The following NPAS3 variants were observed in gnomAD, a reference collection of about 807,000 sequenced individuals.
The protein encoded by NPAS3 is neuronal PAS domain-containing protein 3.
A neutral mutation model predicts 73.1 loss-of-function variants in NPAS3; 14 were observed. That is an observed-to-expected ratio of 0.19 (90% CI 0.13 to 0.30). The LOEUF is 0.30. Among genes scored for constraint, NPAS3 ranks in the 10% least tolerant of loss-of-function variants. The pLI is 1.00. For synonymous variants in NPAS3, 620 were observed against 541.5 expected (o/e 1.14, Z -2.01); for missense variants, 1,096 against 1,250.0 (o/e 0.88, Z 1.86).
intron 3 of NPAS3, among the ~76,000 whole-genome samples, chr14:33,350,571 C>G (rs1329544989): frequency 2.0e-5 from 3 of 152,212 alleles, no homozygotes; most frequent in African/African-American, 7.2e-5. Flanking sequence ...GATCACGCCT[C>G]TAAGAACAAA....
At chr14:33,021,735 T>G (rs1366353824) in intron 1 of NPAS3, among the ~76,000 whole-genome samples, 1 of 152,228 alleles carries the variant, frequency 6.6e-6, no homozygotes. Flanking sequence ...TTTATATATT[T>G]AATTTAACAT....
At chr14:33,299,828 C>A (rs1410793901) in intron 3 of NPAS3, among the ~76,000 whole-genome samples, 1 of 151,964 alleles carries the variant, frequency 6.6e-6, no homozygotes, top group African/African-American at 2.4e-5. Flanking sequence ...TGACCTTATT[C>A]AATGAATTAT....
In NPAS3 at chr14:33,490,716, C is replaced by T. The variant is rs942029466; in HGVS notation, c.469-69405C>T. Among the ~76,000 whole-genome samples the T allele has an allele frequency of 2.6e-5, 4 of 152,244 alleles. No homozygotes were observed. The South Asian group carries it at 6.2e-4, about 24-fold the overall frequency. On this transcript the variant is annotated intron_variant, in intron 4 of 11. Coordinates refer to ENST00000356141, the Ensembl canonical transcript of NPAS3. The stretch of plus-strand genomic sequence containing the variant: ...GCACACACAACATACACAGTCATTC[C>T]GTCACCCTGCACTGTGCTGGAACAA...
At chr14:32,960,112 T>C (rs1267869522) in intron 1 of NPAS3, among the ~76,000 whole-genome samples, 3 of 152,010 alleles carry the variant, frequency 2.0e-5, no homozygotes, top group Non-Finnish European at 4.4e-5. Context: ...TATATGATAG[T>C]AATAAAACAT....
At chr14:33,620,533 TATAG>T (rs2058048626) in intron 5 of NPAS3, among the ~76,000 whole-genome samples, 4 of 152,126 alleles carry the variant, frequency 2.6e-5, no homozygotes, top group Admixed American at 2.0e-4. Flanking sequence ...AATATGCAAA[TATAG>T]AGAGAGACTG....
At chr14:33,612,492 T>G (rs1003330343) in intron 5 of NPAS3, 1 of 455,994 alleles carries the variant, frequency 2.2e-6, no homozygotes, top group African/African-American at 2.0e-5. Flanking sequence ...TGTCACTTTT[T>G]AAAATTAATC....
intron 2 of NPAS3, among the ~76,000 whole-genome samples, chr14:33,091,236 C>T (rs578007316): frequency 1.3e-5 from 2 of 152,222 alleles, no homozygotes; most frequent in East Asian, 1.9e-4. Context: ...AATTGATAGA[C>T]TGCCAGCAAG....
chr14:32,979,716 C>T (rs2037823673), intron 1 of NPAS3, among the ~76,000 whole-genome samples: 1 of 152,042 alleles, frequency 6.6e-6, no homozygotes, highest in African/African-American at 2.4e-5. Context: ...AAAGAAAGAA[C>T]ATTTTCCCAA....
At chr14:33,466,783 A>G (rs897502202) in intron 4 of NPAS3, among the ~76,000 whole-genome samples, 1 of 152,080 alleles carries the variant, frequency 6.6e-6, no homozygotes. Context: ...ATCTTCCAAG[A>G]ACTCACTCAC....
chr14:33,113,458 C>G (rs935079952), intron 2 of NPAS3, among the ~76,000 whole-genome samples: 4 of 152,068 alleles, frequency 2.6e-5, no homozygotes, highest in East Asian at 3.9e-4. Flanking sequence ...TCATGATTTG[C>G]CTCTCTGTTT....
rs544440609 is a variant in NPAS3, at chr14:33,405,789, A to G, written c.468+38521A>G. 4.6e-5 allele frequency among the ~76,000 whole-genome samples: 7 copies of G among 152,204 alleles called. No homozygotes were observed. In the South Asian group the frequency reaches 1.5e-3, roughly 32 times the overall value. On this transcript the variant is annotated intron_variant, in intron 4 of 11. Transcript: ENST00000356141. ...AGCTATTTGCCCACACCATCCCAGC[A>G]CTCAGTTTAGCAACCTTCTGTTGGA... is the stretch of plus-strand genomic sequence containing the variant.
intron 2 of NPAS3, among the ~76,000 whole-genome samples, chr14:33,077,764 T>C (rs2041708299): frequency 6.9e-6 from 1 of 144,726 alleles, no homozygotes; most frequent in Non-Finnish European, 1.5e-5. Context: ...CTCAAAACAT[T>C]GCAGTAAGGG....
At chr14:33,347,688 G>T (rs1467406313) in intron 3 of NPAS3, among the ~76,000 whole-genome samples, 1 of 152,164 alleles carries the variant, frequency 6.6e-6, no homozygotes, top group Non-Finnish European at 1.5e-5. Context: ...TCCAGTCCTT[G>T]ATATAAAATG....
chr14:33,052,624 G>A (rs2040749974), intron 1 of NPAS3, among the ~76,000 whole-genome samples: 1 of 152,152 alleles, frequency 6.6e-6, no homozygotes, highest in African/African-American at 2.4e-5. Context: ...ACTCAGCTTA[G>A]ATAATGTATT....
rs201219945 is a variant in NPAS3 at position 33,160,723 on chromosome 14, TTTTA to T, written c.141-54450_141-54447del. On this transcript the variant is annotated intron_variant, in intron 2 of 11. Transcript: ENST00000356141. ...TTATTTCTAAAGGTTATGATTCTGT[TTTTA>T]TTTATTTACTTTTTTTTTGTTTTAA... Among the ~76,000 whole-genome samples the T allele has an allele frequency of 2.6e-3, 393 of 151,684 alleles. 6 individuals are homozygous for T. The East Asian group carries it at 0.037, about 14-fold the overall frequency.
intron 3 of NPAS3, among the ~76,000 whole-genome samples, chr14:33,245,589 G>A (rs1378330367): frequency 6.6e-6 from 1 of 152,078 alleles, no homozygotes; most frequent in Non-Finnish European, 1.5e-5. Context: ...TTTATACCAG[G>A]AGTAAATTAC....
intron 3 of NPAS3, among the ~76,000 whole-genome samples, chr14:33,365,084 G>A (rs2045777941): frequency 6.7e-6 from 1 of 148,928 alleles, no homozygotes; most frequent in Non-Finnish European, 1.5e-5. Context: ...CAAATTATGA[G>A]CTATTAATAA....
chr14:33,285,251 C>G (rs1390607668), intron 3 of NPAS3, among the ~76,000 whole-genome samples: 1 of 152,052 alleles, frequency 6.6e-6, no homozygotes, highest in Non-Finnish European at 1.5e-5. Context: ...AGCTTGGTTC[C>G]CTCCATGAGT....
chr14:33,091,173 A>G (rs764094822), intron 2 of NPAS3, among the ~76,000 whole-genome samples: 50 of 152,186 alleles, frequency 3.3e-4, no homozygotes, highest in Non-Finnish European at 6.3e-4. Context: ...GACACAAAAA[A>G]CTATTCAAAA....
Sources: gnomAD v4.1 joint callset for allele counts (sites outside exome capture counted in the v4.1 genomes callset) on GRCh38, gnomAD v4.1.1 for gene constraint, MANE v1.5 for transcripts, NCBI Gene and HGNC (gene_info 2026-07-23, HGNC 2026-07-21) for gene names.